Variants in ZNF263 observed in about 807,000 individuals in gnomAD.
The protein encoded by ZNF263 is zinc finger protein FPM315.
In ZNF263, 49 loss-of-function variants were observed where a neutral mutation model predicts 63.1. That is an observed-to-expected ratio of 0.78 (90% CI 0.62 to 0.99). The LOEUF is 0.99. Ranked by LOEUF, ZNF263 falls within the 50% of genes least tolerant of loss-of-function variation. ZNF263 has a pLI of 0.00. For synonymous variants in ZNF263, 352 were observed against 324.2 expected (o/e 1.09, Z -0.92); for missense variants, 872 against 854.8 (o/e 1.02, Z -0.25).
intron 5 of ZNF263, 79 bp from the exon 6 acceptor site, chr16:3,289,304 CTGACCTAACA>C: frequency 7.0e-7 from 1 of 1,421,126 alleles, no homozygotes; most frequent in Non-Finnish European, 9.4e-7. Flanking sequence ...TTCTGGGCTG[CTGACCTAACA>C]GGCAGCGGCA....
chr16:3,288,656 T>C, intron 5 of ZNF263, 86 bp downstream of exon 5: 1 of 999,934 alleles, frequency 1.0e-6, no homozygotes, highest in Non-Finnish European at 1.5e-6. Context: ...TTGTTTTGTT[T>C]TGTTTTGAGA....
In ZNF263 at chr16:3,285,235, GA is replaced by G; in HGVS notation, c.565del (p.Arg189GlyfsTer22). On this transcript the variant is annotated frameshift_variant, in exon 2 of 6. Coordinates refer to ENST00000219069, the MANE Select transcript of ZNF263 (RefSeq NM_005741.5). LOFTEE classifies it high-confidence loss of function. ...PQRDPQAVKERALSAPWLSLF... is the reference protein window; with the variant it reads ...PQRDPQAVKEXALSAPWLSLF... ...AAAGGGACCCCCAGGCTGTAAAGGA[GA>G]GGGGTGAGGCACAGTTATCTGGGCA... The G allele has an allele frequency of 6.2e-7, 1 of 1,611,408 alleles. No homozygotes were observed. Among genetic ancestry groups the G allele is most frequent in the South Asian group, 1.1e-5 (1 of 90,980 alleles).
chr16:3,298,762 C>G, intron 1 of ZNF263: 1 of 355,212 alleles, frequency 2.8e-6, no homozygotes, highest in Non-Finnish European at 5.0e-6. Context: ...TATTCAGATC[C>G]TTGTGTAAAA....
chr16:3,292,979 G>A (rs1211578967), downstream of ZNF263: 1 of 152,224 alleles, frequency 6.6e-6, no homozygotes, highest in East Asian at 1.9e-4. Context: ...GGTCACTGAA[G>A]ACCACACTGG....
chr16:3,299,565 ACT>A, intron 2 of ZNF263: 1 of 1,531,330 alleles, frequency 6.5e-7, no homozygotes, highest in Non-Finnish European at 8.7e-7. Context: ...ATATTACAAG[ACT>A]CTCTTCAAGT....
intron 1 of ZNF263, among the ~76,000 whole-genome samples, chr16:3,297,677 G>C (rs1236152916): frequency 6.6e-6 from 1 of 151,484 alleles, no homozygotes; most frequent in South Asian, 2.1e-4. Flanking sequence ...TGTTAGCCAA[G>C]ATGGTCTCGA....
Position 3,285,689 on chromosome 16 carries a change from G to A in ZNF263, c.577G>A (p.Ala193Thr). The A allele has an allele frequency of 6.2e-7, 1 of 1,614,082 alleles. No individual in the cohort carries two copies. The highest frequency in any genetic ancestry group is 2.2e-5 in the East Asian group (1 of 44,876). ...ATTTCTGTCACCTTCAGCATTATCT[G>A]CTCCCTGGCTTTCTCTTTTTCCTCC... ...PQAVKERALSAPWLSLFPPEG... is the reference protein window; with the variant it reads ...PQAVKERALSTPWLSLFPPEG... The change falls in exon 3 of 6, where the codon GCT becomes ACT. Residue 193 changes from alanine (A) to threonine (T), a missense_variant. Coordinates refer to ENST00000219069, the MANE Select transcript of ZNF263 (RefSeq NM_005741.5).
At chr16:3,284,628 C>T (rs1351148220) in intron 1 of ZNF263, among the ~76,000 whole-genome samples, 2 of 152,178 alleles carry the variant, frequency 1.3e-5, no homozygotes, top group South Asian at 2.1e-4. Flanking sequence ...GTGCTTAGTA[C>T]TTGTTACCTG....
chr16:3,299,460 T>C (rs780370776), intron 2 of ZNF263: 1 of 1,554,978 alleles, frequency 6.4e-7, no homozygotes, highest in Non-Finnish European at 8.7e-7. Flanking sequence ...CTTCCCAACT[T>C]TTTGCCCAGT....
intron 2 of ZNF263, chr16:3,300,029 T>C (rs1959890461): frequency 6.2e-7 from 1 of 1,614,196 alleles, no homozygotes; most frequent in East Asian, 2.2e-5. Context: ...CAGATATCTT[T>C]CCTACTTGCC....
rs1324045665 is a variant in ZNF263 at position 3,285,204 on chromosome 16, G to A, written c.533G>A (p.Ser178Asn). 2 of 1,613,624 alleles carry A rather than the reference G, an allele frequency of 1.2e-6. No individual in the cohort carries two copies. The highest frequency in any genetic ancestry group is 1.7e-5 in the Admixed American group (1 of 60,010). ...AGGCTGCAGGAGCTGCTAGGCCCCA[G>A]CCCCCAAAGGGACCCCCAGGCTGTA... ...GPRLQELLGP[S>N]PQRDPQAVKE... Residue 178 changes from serine (S) to asparagine (N), a missense_variant, in exon 2 of 6, where the codon AGC (serine) becomes AAC (asparagine). Coordinates refer to ENST00000219069, the MANE Select transcript of ZNF263 (RefSeq NM_005741.5).
At chr16:3,296,047 C>G (rs551946497), downstream of ZNF263, among the ~76,000 whole-genome samples, 17 of 152,184 alleles carry the variant, frequency 1.1e-4, no homozygotes, top group African/African-American at 3.6e-4. Flanking sequence ...ACTTTAAACC[C>G]AGCTCAAAAG....
Position 3,289,791 on chromosome 16 carries a change from C to T in ZNF263, c.1285C>T (p.Leu429=), listed in dbSNP as rs1355753154. 4.3e-6 allele frequency: 7 copies of T among 1,614,080 alleles called. No individual in the cohort carries two copies. In the African/African-American group the frequency reaches 9.3e-5, roughly 22 times the overall value. Residue 429 remains leucine, a synonymous_variant, in exon 6 of 6, where the codon CTG becomes TTG. Transcript: ENST00000219069. ...TTTCCTGTCACTACACAGAGCACACCTGGGAGAGGAGGCCCACAAGTGCCT... is the reference window on the plus strand; with the variant it reads ...TTTCCTGTCACTACACAGAGCACACTTGGGAGAGGAGGCCCACAAGTGCCT... The part of the protein sequence containing the change: ...PRFLSLHRAH[L]GEEAHKCLEC...
At chr16:3,296,966 T>C (rs1244147092) in intron 1 of ZNF263, among the ~76,000 whole-genome samples, 3 of 152,132 alleles carry the variant, frequency 2.0e-5, no homozygotes, top group Non-Finnish European at 2.9e-5. Flanking sequence ...ATAGTAAGAA[T>C]AGCTTGTATA....
chr16:3,297,456 CTTTTTTTTTTT>C (rs1168352573), intron 1 of ZNF263, among the ~76,000 whole-genome samples: 2 of 76,442 alleles, frequency 2.6e-5, no homozygotes, highest in African/African-American at 5.1e-5. Context: ...GAAACAGATT[CTTTTTTTTTTT>C]TTTTTTTTTT....
intron 1 of ZNF263, chr16:3,298,725 C>T (rs1296251640): frequency 3.3e-6 from 1 of 304,610 alleles, no homozygotes; most frequent in Non-Finnish European, 5.9e-6. Flanking sequence ...GGCATTCCAC[C>T]TTAGATAATC....
chr16:3,284,351 C>A, intron 1 of ZNF263, 146 bp downstream of exon 1: 1 of 1,320,802 alleles, frequency 7.6e-7, no homozygotes, highest in Non-Finnish European at 9.7e-7. Context: ...AACACTCATC[C>A]TCCAGATTTT....
intron 2 of ZNF263, chr16:3,299,921 A>G (rs1416300439): frequency 6.2e-7 from 1 of 1,612,156 alleles, no homozygotes; most frequent in East Asian, 2.2e-5. Context: ...GGCAGTTTTG[A>G]TTTTCCAATA....
At chr16:3,284,946 C>A in intron 1 of ZNF263, 113 bp from the exon 2 acceptor site, 1 of 1,332,842 alleles carries the variant, frequency 7.5e-7, no homozygotes, top group Non-Finnish European at 1.0e-6. Context: ...GTTACCTGGG[C>A]CCAAAGGGAT....
Sources: allele counts gnomAD v4.1 joint callset (sites outside exome capture counted in the v4.1 genomes callset), GRCh38; gene constraint gnomAD v4.1.1; transcripts MANE v1.5; gene names NCBI Gene and HGNC (gene_info 2026-07-23, HGNC 2026-07-21).